RRM2: variants seen among roughly 807,000 people sequenced by gnomAD.
RRM2 encodes the protein ribonucleotide reductase regulatory subunit M2, also known as ribonucleoside-diphosphate reductase subunit M2.
Under a neutral mutation model 45.9 loss-of-function variants are expected in RRM2, and 6 were observed. The ratio of observed to expected loss-of-function variants is 0.13; its 90% CI spans 0.07 to 0.26. The LOEUF (loss-of-function observed/expected upper bound fraction) is 0.26, where lower values mean the gene tolerates loss of function less well. RRM2 is among the 10% of genes least tolerant of loss of function. The pLI, the probability that RRM2 is intolerant of heterozygous loss-of-function variation, is 1.00. For synonymous variants in RRM2, 177 were observed against 173.0 expected (o/e 1.02, Z -0.18); for missense variants, 343 against 489.5 (o/e 0.70, Z 2.82).
At chr2:10,168,393 C>T (rs576924944) in intron 3 of RRM2, among the ~76,000 whole-genome samples, 2 of 152,296 alleles carry the variant, frequency 1.3e-5, no homozygotes, top group Admixed American at 6.5e-5. Context: ...TTCCCCTCCA[C>T]CCCAGAAAGG....
At chr2:10,206,895 G>A (rs1185171583) in intron 3 of RRM2, among the ~76,000 whole-genome samples, 1 of 152,206 alleles carries the variant, frequency 6.6e-6, no homozygotes, top group East Asian at 1.9e-4. Context: ...AAAGATTCTT[G>A]AAGGATGAGG....
chr2:10,135,643 A>C (rs575412628), downstream of RRM2, among the ~76,000 whole-genome samples: 8 of 152,316 alleles, frequency 5.3e-5, no homozygotes, highest in East Asian at 1.3e-3. Context: ...GATGTAAATA[A>C]ACTTAAGAGT....
At chr2:10,138,074 C>G (rs1451462470), upstream of RRM2, among the ~76,000 whole-genome samples, 2 of 152,106 alleles carry the variant, frequency 1.3e-5, no homozygotes, top group Non-Finnish European at 2.9e-5. Context: ...GATCTCGGCT[C>G]ACTGCAACCT....
At chr2:10,150,905 C>T (rs576827178) in intron 3 of RRM2, among the ~76,000 whole-genome samples, 4 of 152,134 alleles carry the variant, frequency 2.6e-5, no homozygotes, top group African/African-American at 9.6e-5. Context: ...CCTCCACCTC[C>T]TGGGTTCAAG....
rs1056400049 is a variant in RRM2, at chr2:10,172,693, A to G, written n.482+30318A>G. Among the ~76,000 whole-genome samples, 14 of 152,132 alleles carry G rather than the reference A, an allele frequency of 9.2e-5. No individual in the cohort carries two copies. The highest frequency in any genetic ancestry group is 1.9e-4 in the Non-Finnish European group (13 of 68,024). ...TCTGTCGGTGCAGCCTCTGAATAGA[A>G]TCCTGGCGAAGGGAGGGGCTGGGTG... On this transcript the variant is annotated intron_variant and non_coding_transcript_variant, in intron 3 of 3. Transcript: ENST00000381786. This position sits in a 1 kb window ranked among gnomAD's most constrained non-coding sequence, Gnocchi z 4.9.
At chr2:10,177,699 CT>C (rs1558398438) in intron 3 of RRM2, among the ~76,000 whole-genome samples, 10 of 149,254 alleles carry the variant, frequency 6.7e-5, no homozygotes, top group African/African-American at 2.5e-4. Flanking sequence ...TCCTTCCTTC[CT>C]TCCTTCCTCT....
chr2:10,146,502 C>A (rs562400220), intron 3 of RRM2, among the ~76,000 whole-genome samples: 28 of 152,390 alleles, frequency 1.8e-4, no homozygotes, highest in Non-Finnish European at 3.7e-4. Context: ...CCACCTGCCA[C>A]CTGCTGGTCC....
chr2:10,183,326 C>T (rs1282118259), intron 3 of RRM2, among the ~76,000 whole-genome samples: 1 of 152,212 alleles, frequency 6.6e-6, no homozygotes, highest in Non-Finnish European at 1.5e-5. Context: ...CCATCTGACC[C>T]CTCTGAGACC....
At chr2:10,146,475 G>C (rs1663189063) in intron 3 of RRM2, among the ~76,000 whole-genome samples, 2 of 152,364 alleles carry the variant, frequency 1.3e-5, no homozygotes, top group African/African-American at 2.4e-5. Context: ...AAGTGGCCCT[G>C]TGTCTCCCCT....
chr2:10,164,625 C>T (rs1219387542), intron 3 of RRM2, among the ~76,000 whole-genome samples: 1 of 152,166 alleles, frequency 6.6e-6, no homozygotes, highest in Non-Finnish European at 1.5e-5. Context: ...AATGCCATCC[C>T]AGGGTAGAAG....
rs999254618 is a variant in RRM2, at chr2:10,122,748, G to C, written c.-51G>C. 6.4e-7 allele frequency: 1 copy of C among 1,555,848 alleles called. No homozygotes were observed. Among genetic ancestry groups the C allele is most frequent in the Non-Finnish European group, 8.7e-7 (1 of 1,149,830 alleles). ...GAGTGAGGGGTCGCCCGTGCACCCTGTCCCAGCCGTCCTGTCCTGGCTGCT... is the reference window on the plus strand; with the variant it reads ...GAGTGAGGGGTCGCCCGTGCACCCTCTCCCAGCCGTCCTGTCCTGGCTGCT... On this transcript the variant is annotated 5_prime_UTR_variant, in exon 1 of 10. Coordinates refer to ENST00000304567, the MANE Select transcript of RRM2 (RefSeq NM_001034.4).
chr2:10,128,001 C>T (rs1662817264), intron 7 of RRM2, among the ~76,000 whole-genome samples: 1 of 151,808 alleles, frequency 6.6e-6, no homozygotes, highest in Non-Finnish European at 1.5e-5. Flanking sequence ...CCCATCTCTA[C>T]TAAAAATACA....
chr2:10,186,669 A>G (rs1011894255), intron 3 of RRM2, among the ~76,000 whole-genome samples: 5 of 152,202 alleles, frequency 3.3e-5, no homozygotes, highest in African/African-American at 1.2e-4. Flanking sequence ...AGTGGTCGAG[A>G]GATTTCCTGG....
Position 10,185,550 on chromosome 2 carries a change from C to T in RRM2, n.483-24761C>T, listed in dbSNP as rs1013531713. On this transcript the variant is annotated intron_variant and non_coding_transcript_variant, in intron 3 of 3. Coordinates refer to the RRM2 transcript ENST00000381786. The surrounding 1 kb of genome is among the most constrained non-coding windows in gnomAD (Gnocchi z 4.3). ...GCCTTTTCCCCACCCATTCACTCCT[C>T]TCCCAAATCCGGATGGTTTTAAGGT... Among the ~76,000 whole-genome samples, 1 of 152,190 alleles carries T rather than the reference C, an allele frequency of 6.6e-6. No individual in the cohort carries two copies. The highest frequency in any genetic ancestry group is 1.5e-5 in the Non-Finnish European group (1 of 68,028).
chr2:10,131,274 T>G lies in RRM2; in HGVS notation c.*1888T>G, dbSNP rs1340971504. 6.6e-5 allele frequency: 10 copies of G among 152,234 alleles called. No individual in the cohort carries two copies. Among genetic ancestry groups the G allele is most frequent in the Admixed American group, 6.5e-4 (10 of 15,286 alleles). 9.4% of individuals were successfully genotyped at this position (152,234 alleles called of 1,614,324 possible). On this transcript the variant is annotated 3_prime_UTR_variant, in exon 10 of 10. Coordinates refer to ENST00000304567, the MANE Select transcript of RRM2 (RefSeq NM_001034.4). ...GAATCAGGTTTTAGGATTCTGTCTCTCATTAGCTGAATAATGTGAGGATTA... is the reference window on the plus strand; with the variant it reads ...GAATCAGGTTTTAGGATTCTGTCTCGCATTAGCTGAATAATGTGAGGATTA...
At chr2:10,135,727 A>G (rs1457703895), downstream of RRM2, among the ~76,000 whole-genome samples, 2 of 152,190 alleles carry the variant, frequency 1.3e-5, no homozygotes, top group East Asian at 1.9e-4. Flanking sequence ...AACAATTACT[A>G]TAGGAAAAAG....
chr2:10,197,518 G>A (rs1046274136), intron 3 of RRM2, among the ~76,000 whole-genome samples: 10 of 152,110 alleles, frequency 6.6e-5, no homozygotes, highest in African/African-American at 9.7e-5. Flanking sequence ...GGGGGGCATT[G>A]AGCAAAGCCT....
At chr2:10,181,768 TTTTTTTTTTTTTTA>T (rs1429858806) in intron 3 of RRM2, among the ~76,000 whole-genome samples, 9 of 98,586 alleles carry the variant, frequency 9.1e-5, no homozygotes, top group Non-Finnish European at 1.5e-4. Context: ...TTTTTTTTTT[TTTTTTTTTTTTTTA>T]AGACAGGGTC....
intron 3 of RRM2, among the ~76,000 whole-genome samples, chr2:10,187,051 C>T (rs963963813): frequency 3.3e-5 from 5 of 152,362 alleles, no homozygotes; most frequent in East Asian, 1.9e-4. Flanking sequence ...CGTGCAGCCC[C>T]GCTCTGTGGG....
Sources: gnomAD v4.1 joint callset for allele counts (sites outside exome capture counted in the v4.1 genomes callset) on GRCh38, gnomAD v4.1.1 for gene constraint, Gnocchi (gnomAD v3.1) non-coding constraint, MANE v1.5 for transcripts, NCBI Gene and HGNC (gene_info 2026-07-23, HGNC 2026-07-21) for gene names.